TLK2: variants seen among roughly 807,000 people sequenced by gnomAD.
TLK2 encodes tousled like kinase 2, also known as serine/threonine-protein kinase tousled-like 2.
In TLK2, 6 loss-of-function variants were observed where a neutral mutation model predicts 117.3. The ratio of observed to expected loss-of-function variants is 0.05; its 90% CI spans 0.03 to 0.10. The LOEUF is 0.10. Among genes scored for constraint, TLK2 ranks in the 10% least tolerant of loss-of-function variants. The pLI is 1.00. For synonymous variants in TLK2, 257 were observed against 316.7 expected, an observed-to-expected ratio of 0.81 and a Z score of 2.00; for missense variants, 299 against 901.2, an observed-to-expected ratio of 0.33 and a Z score of 8.56.
chr17:62,591,875 C>G (rs2082106595), intron 16 of TLK2, among the ~76,000 whole-genome samples: 1 of 151,940 alleles, frequency 6.6e-6, no homozygotes. Flanking sequence ...AGCCTTATAA[C>G]AAAATGTCCT....
At position 62,552,177 on chromosome 17, in the gene TLK2, C is replaced by T. The variant is rs991688839; in HGVS notation, c.532-125C>T. 1.3e-5 allele frequency: 11 copies of T among 862,826 alleles called. No individual in the cohort carries two copies. In the African/African-American group the frequency reaches 1.4e-4, roughly 11 times the overall value. The allele number at this position is 862,826 out of a possible 1,614,324, so 53.4% of individuals were successfully genotyped here. On this transcript the variant is annotated intron_variant, in intron 7 of 21. Transcript: ENST00000346027. ...CTTCTTGGCCACGTGGCCCTGACTT[C>T]TCACTTTCATAAGAAGGGGTTTGTA... is the stretch of plus-strand genomic sequence containing the variant.
In TLK2 at chr17:62,614,330, GT is replaced by G; in HGVS notation, c.*1766del. 1 of 152,320 alleles carries G rather than the reference GT, an allele frequency of 6.6e-6. No individual in the cohort carries two copies. Among genetic ancestry groups the G allele is most frequent in the South Asian group, 2.1e-4 (1 of 4,830 alleles). The allele number at this position is 152,320 out of a possible 1,614,324, so 9.4% of individuals were successfully genotyped here. On this transcript the variant is annotated 3_prime_UTR_variant, in exon 22 of 22. Transcript: ENST00000346027. The stretch of plus-strand genomic sequence containing the variant: ...GGGAGGGAGCCAAGAGCCTGAACAT[GT>G]GGTCGCCAGCTTGGAATGTTACTGA...
chr17:62,557,588 C>T (rs1445232422), intron 9 of TLK2, among the ~76,000 whole-genome samples: 1 of 152,010 alleles, frequency 6.6e-6, no homozygotes, highest in African/African-American at 2.4e-5. Context: ...TGCTCTTATT[C>T]CTGTTTTTAT....
chr17:62,537,229 G>A (rs2077178130), intron 7 of TLK2, among the ~76,000 whole-genome samples: 2 of 152,170 alleles, frequency 1.3e-5, no homozygotes, highest in African/African-American at 4.8e-5. Context: ...GTTCAAAAAG[G>A]TGCTGAAAAT....
At chr17:62,517,450 A>G (rs1381139935) in intron 2 of TLK2, among the ~76,000 whole-genome samples, 2 of 152,092 alleles carry the variant, frequency 1.3e-5, no homozygotes, top group Non-Finnish European at 2.9e-5. Context: ...GCTGGAGTGC[A>G]GTGGCGCGAT....
intron 6 of TLK2, among the ~76,000 whole-genome samples, chr17:62,535,644 C>G (rs906564121): frequency 6.6e-6 from 1 of 152,002 alleles, no homozygotes. Flanking sequence ...TGGCAGGCAC[C>G]TGTAATCCCA....
At chr17:62,574,903 T>C (rs931476053) in intron 12 of TLK2, among the ~76,000 whole-genome samples, 10 of 152,198 alleles carry the variant, frequency 6.6e-5, no homozygotes, top group Admixed American at 4.6e-4. Flanking sequence ...GGGAAGAGTA[T>C]TGAGTCTTAA....
intron 6 of TLK2, among the ~76,000 whole-genome samples, chr17:62,533,741 T>A (rs1219822602): frequency 6.6e-6 from 1 of 152,164 alleles, no homozygotes; most frequent in African/African-American, 2.4e-5. Flanking sequence ...CCTCCCAAAG[T>A]GCTGGGATTA....
rs565345886 is a variant in TLK2 at position 62,506,142 on chromosome 17, C to T, written c.82-14631C>T. On this transcript the variant is annotated intron_variant, in intron 2 of 21. Coordinates refer to ENST00000346027, the MANE Select transcript of TLK2 (RefSeq NM_006852.6). Reference sequence around the variant, plus strand: ...TATGTGGGTTATACCAAATGTACTGCCATCATGTGATTATAGGTTAGTAGT... The same window carrying T: ...TATGTGGGTTATACCAAATGTACTGTCATCATGTGATTATAGGTTAGTAGT... Among the ~76,000 whole-genome samples the T allele has an allele frequency of 2.4e-4, 37 of 152,256 alleles. No homozygotes were observed. The East Asian group carries it at 7.1e-3, about 29-fold the overall frequency.
intron 6 of TLK2, among the ~76,000 whole-genome samples, chr17:62,528,987 C>T (rs973506199): frequency 2.6e-5 from 4 of 152,062 alleles, no homozygotes; most frequent in African/African-American, 4.8e-5. Context: ...TTTTTGTTTT[C>T]GTGTAGTTTA....
chr17:62,586,386 A>T (rs548046425), intron 16 of TLK2, among the ~76,000 whole-genome samples, 160 bp downstream of exon 16: 191 of 152,316 alleles, frequency 1.3e-3, no homozygotes, highest in African/African-American at 4.5e-3. Context: ...CGACGAGGAA[A>T]CTGATGCTTA....
At chr17:62,478,732 C>T (rs1420900443), upstream of TLK2, among the ~76,000 whole-genome samples, 5 of 67,206 alleles carry the variant, frequency 7.4e-5, no homozygotes, top group South Asian at 4.5e-3. Context: ...CCACTGTCGG[C>T]GCTTCCCCCA....
intron 18 of TLK2, 105 bp from the exon 19 acceptor site, chr17:62,601,937 T>C: frequency 2.0e-6 from 2 of 1,015,998 alleles, no homozygotes; most frequent in Non-Finnish European, 2.8e-6. Flanking sequence ...TGTTTGCTTT[T>C]GCAAGAGTTT....
chr17:62,490,044 G>T (rs2072940718), intron 2 of TLK2, among the ~76,000 whole-genome samples: 1 of 152,176 alleles, frequency 6.6e-6, no homozygotes, highest in South Asian at 2.1e-4. Context: ...TGGCCAGGCT[G>T]GTCTTGAACT....
rs879170750 is a variant in TLK2, at chr17:62,602,290, T to C, written c.1859+110T>C. ...TGCTATCTGCTAGGCAAAAATGCCA[T>C]AAACCAAAGCAGACTTTCTCCCCAA... On this transcript the variant is annotated intron_variant, in intron 19 of 21. Coordinates refer to ENST00000346027, the MANE Select transcript of TLK2 (RefSeq NM_006852.6). 4.8e-5 allele frequency: 56 copies of C among 1,164,912 alleles called. No individual in the cohort carries two copies. In the South Asian group the frequency reaches 1.1e-3, roughly 22 times the overall value. The allele number at this position is 1,164,912 out of a possible 1,614,324, so 72.2% of individuals were successfully genotyped here.
intron 7 of TLK2, among the ~76,000 whole-genome samples, chr17:62,537,614 G>A (rs888293115): frequency 6.6e-6 from 1 of 152,100 alleles, no homozygotes; most frequent in Non-Finnish European, 1.5e-5. Context: ...TCCAGGTCTG[G>A]TTTCTGCTTG....
At chr17:62,492,792 A>G (rs1212086916) in intron 2 of TLK2, among the ~76,000 whole-genome samples, 3 of 151,948 alleles carry the variant, frequency 2.0e-5, no homozygotes, top group Non-Finnish European at 4.4e-5. Context: ...TCGTAACTCC[A>G]TGCCCATTAA....
chr17:62,558,344 TAG>T (rs1205736647), intron 9 of TLK2, among the ~76,000 whole-genome samples: 1 of 152,072 alleles, frequency 6.6e-6, no homozygotes, highest in African/African-American at 2.4e-5. Context: ...CAAAATTTTA[TAG>T]AGACTAAGGT....
At chr17:62,587,529 A>G (rs1230659074) in intron 16 of TLK2, among the ~76,000 whole-genome samples, 1 of 152,162 alleles carries the variant, frequency 6.6e-6, no homozygotes, top group Non-Finnish European at 1.5e-5. Flanking sequence ...CTCTTGCTCT[A>G]TACCTCTTGT....
Sources: allele counts gnomAD v4.1 joint callset (sites outside exome capture counted in the v4.1 genomes callset), GRCh38; gene constraint gnomAD v4.1.1; transcripts MANE v1.5; gene names NCBI Gene and HGNC (gene_info 2026-07-23, HGNC 2026-07-21).